SNTG1: variants seen among roughly 807,000 people sequenced by gnomAD.
SNTG1 encodes gamma-1-syntrophin.
A neutral mutation model predicts 74.7 loss-of-function variants in SNTG1; 39 were observed. That is an observed-to-expected ratio of 0.52 (90% CI 0.40 to 0.68). SNTG1 has a LOEUF of 0.68. Ranked by LOEUF, SNTG1 falls within the 30% of genes least tolerant of loss-of-function variation. SNTG1 has a pLI of 0.00. For missense variants in SNTG1, 685 were observed against 609.5 expected (o/e 1.12, Z -1.30); for synonymous variants, 254 against 217.1 (o/e 1.17, Z -1.49).
chr8:50,789,397 C>G (rs1260251786), intron 18 of SNTG1, among the ~76,000 whole-genome samples: 1 of 151,938 alleles, frequency 6.6e-6, no homozygotes, highest in African/African-American at 2.4e-5. Context: ...ATTTTCTCTA[C>G]CTATCCTGCA....
At chr8:50,402,040 C>G (rs1490888669) in intron 3 of SNTG1, among the ~76,000 whole-genome samples, 170 bp from the exon 4 acceptor site, 2 of 152,046 alleles carry the variant, frequency 1.3e-5, no homozygotes, top group Non-Finnish European at 2.9e-5. Context: ...GATCATTCTC[C>G]TTTTTTTCCC....
chr8:50,515,508 A>G (rs2130042286), intron 9 of SNTG1, among the ~76,000 whole-genome samples: 1 of 150,478 alleles, frequency 6.6e-6, no homozygotes, highest in African/African-American at 2.4e-5. Context: ...GGTGTAGCTC[A>G]GCAGATCCCA....
At chr8:50,492,988 C>A (rs1013336144) in intron 8 of SNTG1, among the ~76,000 whole-genome samples, 4 of 152,068 alleles carry the variant, frequency 2.6e-5, no homozygotes, top group Non-Finnish European at 5.9e-5. Context: ...TGGAACAGAA[C>A]GGAGGCCTCA....
chr8:50,391,503 G>C (rs750138382), intron 2 of SNTG1, among the ~76,000 whole-genome samples: 1 of 152,168 alleles, frequency 6.6e-6, no homozygotes, highest in African/African-American at 2.4e-5. Flanking sequence ...TTGCATCAAT[G>C]TTCATCAGGA....
At chr8:50,691,020 T>C (rs1047297614) in intron 15 of SNTG1, among the ~76,000 whole-genome samples, 8 of 152,174 alleles carry the variant, frequency 5.3e-5, no homozygotes, top group African/African-American at 1.9e-4. Context: ...CTTTGTCTCT[T>C]TTGATCTTTG....
chr8:50,660,439 A>T (rs796614769), intron 15 of SNTG1, among the ~76,000 whole-genome samples: 1 of 136,908 alleles, frequency 7.3e-6, no homozygotes, highest in South Asian at 2.5e-4. Context: ...GAAAGAAAGA[A>T]AGAGAAAAAA....
chr8:50,385,673 G>T (rs1446710872), intron 2 of SNTG1, among the ~76,000 whole-genome samples: 1 of 152,180 alleles, frequency 6.6e-6, no homozygotes, highest in African/African-American at 2.4e-5. Context: ...GACAGTGAGG[G>T]TATATTGCTG....
intron 12 of SNTG1, among the ~76,000 whole-genome samples, chr8:50,584,034 G>A (rs1009457859): frequency 9.9e-5 from 15 of 152,002 alleles, no homozygotes; most frequent in African/African-American, 3.4e-4. Flanking sequence ...TTGGTTTTCT[G>A]TCCTTGCAAT....
chr8:50,658,638 A>C lies in SNTG1; in HGVS notation c.1013A>C (p.Tyr338Ser), dbSNP rs2095198801. The C allele has an allele frequency of 6.2e-7, 1 of 1,610,702 alleles. No homozygotes were observed. Among genetic ancestry groups the C allele is most frequent in the African/African-American group, 1.3e-5 (1 of 74,830 alleles). Residue 338 changes from tyrosine (Y) to serine (S), a missense_variant, in exon 15 of 19, where the codon TAT (tyrosine) becomes TCT (serine). Transcript: ENST00000642720. Reference sequence around the variant, plus strand: ...AGAGCAGAGAAAACATTCTCAGTTTATGAGATTATGTGCAAGATCCTCAAG... The same window carrying C: ...AGAGCAGAGAAAACATTCTCAGTTTCTGAGATTATGTGCAAGATCCTCAAG... ...WTRAEKTFSV[Y>S]EIMCKILKDS...
At chr8:50,189,945 C>T (rs897790239) in intron 2 of SNTG1, among the ~76,000 whole-genome samples, 5 of 152,074 alleles carry the variant, frequency 3.3e-5, no homozygotes, top group African/African-American at 1.2e-4. Flanking sequence ...CTCTAGAACA[C>T]GTTTGAGTGA....
chr8:50,371,622 A>G (rs1354093113), intron 2 of SNTG1, among the ~76,000 whole-genome samples: 1 of 152,178 alleles, frequency 6.6e-6, no homozygotes, highest in South Asian at 2.1e-4. Context: ...ACTACTAAAA[A>G]GGCAATTTTT....
At chr8:50,021,805 G>GT (rs35932678) in intron 1 of SNTG1, among the ~76,000 whole-genome samples, 16,739 of 151,778 alleles carry the variant, frequency 0.11, 1,108 homozygotes, top group South Asian at 0.21. Flanking sequence ...GCCAGGCATG[G>GT]TGGCTTGTGC....
rs568679509 is a variant in SNTG1, at chr8:50,781,836, C to T, written c.1396-10835C>T. 3.3e-4 allele frequency among the ~76,000 whole-genome samples: 51 copies of T among 152,296 alleles called. No homozygotes were observed. The South Asian group carries it at 0.01, about 31-fold the overall frequency. ...ACAATTTGGCATGATTTTGCAGTGG[C>T]TGGTACCGTTTTTTCCTTTCCATGT... On this transcript the variant is annotated intron_variant, in intron 18 of 18. Coordinates refer to ENST00000642720, the MANE Select transcript of SNTG1 (RefSeq NM_018967.5).
At chr8:49,996,721 G>T (rs1053501855) in intron 1 of SNTG1, among the ~76,000 whole-genome samples, 6 of 151,888 alleles carry the variant, frequency 4.0e-5, no homozygotes, top group African/African-American at 9.7e-5. Context: ...CCATCAAAAG[G>T]GTTATTGTTC....
intron 1 of SNTG1, among the ~76,000 whole-genome samples, chr8:49,976,253 A>G (rs1480880651): frequency 6.6e-6 from 1 of 152,182 alleles, no homozygotes; most frequent in East Asian, 1.9e-4. Context: ...AAATAGGAAA[A>G]TAAGTTTTTT....
At chr8:50,078,548 A>G (rs1822110663) in intron 1 of SNTG1, among the ~76,000 whole-genome samples, 1 of 151,846 alleles carries the variant, frequency 6.6e-6, no homozygotes, top group Admixed American at 6.6e-5. Context: ...CTTTTTTTAC[A>G]TTTATTTTTA....
chr8:50,240,479 A>G (rs1311433378), intron 2 of SNTG1, among the ~76,000 whole-genome samples: 1 of 152,236 alleles, frequency 6.6e-6, no homozygotes, highest in Non-Finnish European at 1.5e-5. Context: ...ACGAACCATC[A>G]TGAATCCTGA....
intron 9 of SNTG1, among the ~76,000 whole-genome samples, chr8:50,510,781 T>G (rs1025005723): frequency 6.6e-6 from 1 of 152,182 alleles, no homozygotes; most frequent in African/African-American, 2.4e-5. Flanking sequence ...TCATTTTGTA[T>G]TGCATCTATT....
intron 1 of SNTG1, among the ~76,000 whole-genome samples, chr8:50,111,634 T>C (rs1586322880): frequency 6.6e-6 from 1 of 152,100 alleles, no homozygotes; most frequent in African/African-American, 2.4e-5. Flanking sequence ...AGAAGAGCAA[T>C]ATACCCCTCC....
Sources: allele counts gnomAD v4.1 joint callset (sites outside exome capture counted in the v4.1 genomes callset), GRCh38; gene constraint gnomAD v4.1.1; transcripts MANE v1.5; gene names NCBI Gene and HGNC (gene_info 2026-07-23, HGNC 2026-07-21).